Variants in DGKI observed in about 807,000 individuals in gnomAD.
DGKI encodes the protein DAG kinase iota.
Under a neutral mutation model 147.5 loss-of-function variants are expected in DGKI, and 55 were observed. The observed-to-expected ratio is 0.37, with a 90% CI of 0.30 to 0.47. DGKI has a LOEUF of 0.47. DGKI is among the 20% of genes least tolerant of loss of function. DGKI has a pLI of 1.00. For missense variants in DGKI, 1,007 were observed against 1,323.8 expected (o/e 0.76, Z 3.71); for synonymous variants, 469 against 477.1 (o/e 0.98, Z 0.22).
chr7:137,430,682 C>T (rs1402445185), intron 28 of DGKI, among the ~76,000 whole-genome samples: 3 of 151,914 alleles, frequency 2.0e-5, no homozygotes, highest in African/African-American at 7.3e-5. Context: ...GAATGATTTC[C>T]TAGAGAAGGT....
At chr7:137,404,440 C>T (rs891649387) in intron 30 of DGKI, among the ~76,000 whole-genome samples, 62 of 152,324 alleles carry the variant, frequency 4.1e-4, no homozygotes, top group Middle Eastern at 3.4e-3. Flanking sequence ...ATTTAAGTCT[C>T]CATATTCAGC....
chr7:137,550,880 A>G (rs1284758849), intron 20 of DGKI, among the ~76,000 whole-genome samples: 1 of 152,236 alleles, frequency 6.6e-6, no homozygotes, highest in East Asian at 1.9e-4. Context: ...TTAGTAGTTC[A>G]TAGATTTCCA....
At chr7:137,479,201 A>G (rs1815283612) in intron 23 of DGKI, among the ~76,000 whole-genome samples, 1 of 152,196 alleles carries the variant, frequency 6.6e-6, no homozygotes, top group Non-Finnish European at 1.5e-5. Context: ...TCTGTAATGT[A>G]GGCCAAATGA....
At chr7:137,576,513 G>A (rs1818982434) in intron 17 of DGKI, among the ~76,000 whole-genome samples, 1 of 151,590 alleles carries the variant, frequency 6.6e-6, no homozygotes, top group Non-Finnish European at 1.5e-5. Flanking sequence ...CTTTTAACTT[G>A]TTTACTATAA....
chr7:137,443,931 G>C, intron 28 of DGKI, 146 bp downstream of exon 28: 1 of 663,662 alleles, frequency 1.5e-6, no homozygotes, highest in South Asian at 2.0e-5. Context: ...GTTTTTAAAA[G>C]TGTTTGACAT....
intron 1 of DGKI, among the ~76,000 whole-genome samples, chr7:137,841,445 G>A (rs1265410297): frequency 6.6e-6 from 1 of 152,066 alleles, no homozygotes; most frequent in African/African-American, 2.4e-5. Flanking sequence ...TTTTACTTCT[G>A]ACCTTTCTTT....
At chr7:137,706,509 T>TATTTTATTTC (rs1554462267) in intron 1 of DGKI, among the ~76,000 whole-genome samples, 13 of 124,944 alleles carry the variant, frequency 1.0e-4, no homozygotes, top group African/African-American at 3.5e-4. Flanking sequence ...TATTTTATTT[T>TATTTTATTTC]ATTTCATTTT....
At chr7:137,784,824 C>CTCAA (rs1796617332) in intron 1 of DGKI, among the ~76,000 whole-genome samples, 2 of 151,938 alleles carry the variant, frequency 1.3e-5, no homozygotes, top group Non-Finnish European at 2.9e-5. Context: ...AAAAGAACCC[C>CTCAA]TCAAAACCAT....
At chr7:137,690,682 G>A (rs1458194383) in intron 1 of DGKI, among the ~76,000 whole-genome samples, 3 of 152,288 alleles carry the variant, frequency 2.0e-5, no homozygotes, top group East Asian at 1.9e-4. Context: ...CAGAATTCAC[G>A]TCAGAAAGGA....
At chr7:137,500,749 T>C (rs1816143170) in intron 21 of DGKI, among the ~76,000 whole-genome samples, 1 of 152,082 alleles carries the variant, frequency 6.6e-6, no homozygotes, top group Admixed American at 6.6e-5. Context: ...TATTGATACA[T>C]AATAATTTTA....
chr7:137,721,080 A>G (rs543335025), intron 1 of DGKI, among the ~76,000 whole-genome samples: 54 of 152,316 alleles, frequency 3.5e-4, no homozygotes, highest in Admixed American at 1.1e-3. Flanking sequence ...CTCACATCCT[A>G]CTTTTTAACT....
intron 1 of DGKI, among the ~76,000 whole-genome samples, chr7:137,752,811 C>T (rs979870235): frequency 6.6e-5 from 10 of 152,218 alleles, no homozygotes; most frequent in South Asian, 6.2e-4. Context: ...CCGAAGCTCC[C>T]GGCCGAATAA....
intron 6 of DGKI, among the ~76,000 whole-genome samples, chr7:137,633,728 C>G (rs771719582): frequency 6.6e-6 from 1 of 152,214 alleles, no homozygotes; most frequent in Non-Finnish European, 1.5e-5. Flanking sequence ...GCCTTAAGTA[C>G]ATGACATTTG....
chr7:137,667,362 C>A, intron 3 of DGKI, among the ~76,000 whole-genome samples: 1 of 151,926 alleles, frequency 6.6e-6, no homozygotes. Context: ...CATAACAAAA[C>A]AAGTTAATAG....
At chr7:137,779,071 T>C (rs1342821641) in intron 1 of DGKI, among the ~76,000 whole-genome samples, 1 of 151,752 alleles carries the variant, frequency 6.6e-6, no homozygotes, top group African/African-American at 2.4e-5. Context: ...AGAAAAAAGA[T>C]AGAGAATTCA....
At chr7:137,426,934 C>T (rs1312852904) in intron 28 of DGKI, among the ~76,000 whole-genome samples, 1 of 151,562 alleles carries the variant, frequency 6.6e-6, no homozygotes, top group African/African-American at 2.4e-5. Flanking sequence ...GACTTAGACT[C>T]CCACACATTA....
At chr7:137,705,605 C>G (rs1429423889) in intron 1 of DGKI, among the ~76,000 whole-genome samples, 1 of 152,074 alleles carries the variant, frequency 6.6e-6, no homozygotes, top group Non-Finnish European at 1.5e-5. Flanking sequence ...CAAGTTAACT[C>G]TCTGGAGTGA....
intron 21 of DGKI, among the ~76,000 whole-genome samples, chr7:137,505,096 G>C (rs1009723245): frequency 5.4e-5 from 8 of 149,136 alleles, no homozygotes; most frequent in South Asian, 2.2e-4. Flanking sequence ...TAGACAAAGG[G>C]GGGGAACATC....
chr7:137,669,699 C>T (rs75502328), intron 3 of DGKI, among the ~76,000 whole-genome samples: 2,638 of 152,172 alleles, frequency 0.017, 38 homozygotes, highest in Middle Eastern at 0.027. Flanking sequence ...TGCATTTTGG[C>T]TTAATGAAAG....
Sources: allele counts gnomAD v4.1 joint callset (sites outside exome capture counted in the v4.1 genomes callset), GRCh38; gene constraint gnomAD v4.1.1; transcripts MANE v1.5; gene names NCBI Gene and HGNC (gene_info 2026-07-23, HGNC 2026-07-21).